YTHDC1: variants seen among roughly 807,000 people sequenced by gnomAD.
The protein encoded by YTHDC1 is YTH N6-methyladenosine RNA binding protein C1.
Under a neutral mutation model 107.0 loss-of-function variants are expected in YTHDC1, and 12 were observed. The observed-to-expected ratio is 0.11, with a 90% CI of 0.07 to 0.18. The LOEUF (loss-of-function observed/expected upper bound fraction) is 0.18. Ranked by LOEUF, YTHDC1 falls within the 10% of genes least tolerant of loss-of-function variation. The pLI, the probability that YTHDC1 is intolerant of heterozygous loss-of-function variation, is 1.00. For missense variants in YTHDC1, 635 were observed against 898.8 expected (o/e 0.71, Z 3.75); for synonymous variants, 280 against 289.5 (o/e 0.97, Z 0.33).
rs201064149 is a variant in YTHDC1 at position 68,330,326 on chromosome 4, A to G, written c.1123-16T>C. 7 of 1,457,230 alleles carry G rather than the reference A, an allele frequency of 4.8e-6. No individual in the cohort carries two copies. The highest frequency in any genetic ancestry group is 2.3e-5 in the Admixed American group (1 of 43,666). The allele number at this position is 1,457,230 out of a possible 1,614,324, so 90.3% of individuals were successfully genotyped here. ...ACCATACACCCTACATAAATAACAT[A>G]AAGACCACAAAGTGAAATTAACTAC... On this transcript the variant is annotated splice_polypyrimidine_tract_variant and intron_variant, in intron 7 of 16. Transcript: ENST00000344157.
At chr4:68,328,901 G>A (rs1434665168) in intron 9 of YTHDC1, among the ~76,000 whole-genome samples, 2 of 152,158 alleles carry the variant, frequency 1.3e-5, no homozygotes, top group Non-Finnish European at 2.9e-5. Flanking sequence ...AATAGTGTAG[G>A]TAAATGTAAC....
At position 68,336,957 on chromosome 4, in the gene YTHDC1, T is replaced by C. The variant is rs1207740421; in HGVS notation, c.883+70A>G. 3 of 1,510,216 alleles carry C rather than the reference T, an allele frequency of 2.0e-6. No individual in the cohort carries two copies. In the East Asian group the frequency reaches 6.8e-5, roughly 34 times the overall value. 93.6% of individuals were successfully genotyped at this position (1,510,216 alleles called of 1,614,324 possible). ...CCCATCTCCTCAACAATTTTATAAT[T>C]TAAACATTTTCAAGACTGAAACCTA... On this transcript the variant is annotated intron_variant, in intron 4 of 16. Coordinates refer to ENST00000344157, the MANE Select transcript of YTHDC1 (RefSeq NM_001031732.4).
rs1190490402 is a variant in YTHDC1 at position 68,349,793 on chromosome 4, G to A, written c.-40C>T. ...TTCCGCCGCTGCCACCGCCGCCGCC[G>A]CTTAGACGCGACTCGCGCGGGCGCC... On this transcript the variant is annotated 5_prime_UTR_variant, in exon 1 of 17. Coordinates refer to ENST00000344157, the MANE Select transcript of YTHDC1 (RefSeq NM_001031732.4). 2 of 1,611,926 alleles carry A rather than the reference G, an allele frequency of 1.2e-6. No individual in the cohort carries two copies. The highest frequency in any genetic ancestry group is 1.1e-5 in the South Asian group (1 of 91,046).
Position 68,318,374 on chromosome 4 carries a change from C to G in YTHDC1, c.1824+145G>C, listed in dbSNP as rs571529501. On this transcript the variant is annotated intron_variant, in intron 15 of 16. Transcript: ENST00000344157. ...CTAGCCGCCTCAGCCTCCCAAAGTG[C>G]TGGGACTGCAGGTGTGAGCCACGGC... 4.6e-5 allele frequency: 34 copies of G among 736,912 alleles called. No homozygotes were observed. The African/African-American group carries it at 5.9e-4, about 13-fold the overall frequency. 45.6% of individuals were successfully genotyped at this position (736,912 alleles called of 1,614,324 possible).
intron 4 of YTHDC1, 120 bp downstream of exon 4, chr4:68,336,907 T>C (rs1724227444): frequency 7.5e-7 from 1 of 1,325,228 alleles, no homozygotes; most frequent in Non-Finnish European, 1.0e-6. Context: ...ATATAAAGGA[T>C]CACAAGACAA....
chr4:68,340,941 T>C (rs897044506), intron 1 of YTHDC1, among the ~76,000 whole-genome samples: 1 of 152,118 alleles, frequency 6.6e-6, no homozygotes, highest in Non-Finnish European at 1.5e-5. Context: ...GTTTTAAAGT[T>C]TTAACGAATT....
chr4:68,325,698 T>TA (rs1722921393), intron 9 of YTHDC1, among the ~76,000 whole-genome samples: 1 of 152,186 alleles, frequency 6.6e-6, no homozygotes, highest in Non-Finnish European at 1.5e-5. Flanking sequence ...GCTCAGATCT[T>TA]ATATAACTTG....
At position 68,320,096 on chromosome 4, in the gene YTHDC1, A is replaced by G. The variant is rs755304960; in HGVS notation, c.1684+27T>C. On this transcript the variant is annotated intron_variant, in intron 12 of 16. Coordinates refer to ENST00000344157, the MANE Select transcript of YTHDC1 (RefSeq NM_001031732.4). ...TTTTTTTCCAATAATTTGAAATCAA[A>G]TATCTGCAGGATTATAAAATATTAA... is the stretch of plus-strand genomic sequence containing the variant. 2.0e-5 allele frequency: 31 copies of G among 1,534,484 alleles called. No homozygotes were observed. The African/African-American group carries it at 2.8e-4, about 14-fold the overall frequency.
At chr4:68,331,908 TAA>T (rs202087978) in intron 7 of YTHDC1, among the ~76,000 whole-genome samples, 193 bp downstream of exon 7, 7 of 142,780 alleles carry the variant, frequency 4.9e-5, no homozygotes, top group Non-Finnish European at 4.6e-5. Flanking sequence ...AAAATCATCT[TAA>T]AAAAAAAAAA....
intron 4 of YTHDC1, among the ~76,000 whole-genome samples, chr4:68,336,493 T>A (rs1263838734): frequency 2.6e-5 from 4 of 152,200 alleles, no homozygotes; most frequent in African/African-American, 9.7e-5. Context: ...ATCTCCATCT[T>A]ATACCTTACA....
At position 68,311,785 on chromosome 4, in the gene YTHDC1, T is replaced by C. The variant is rs562575127; in HGVS notation, c.*2314A>G. 5.9e-5 allele frequency: 9 copies of C among 152,338 alleles called. No individual in the cohort carries two copies. The highest frequency in any genetic ancestry group is 1.0e-4 in the Non-Finnish European group (7 of 68,030). 9.4% of individuals were successfully genotyped at this position (152,338 alleles called of 1,614,324 possible). On this transcript the variant is annotated 3_prime_UTR_variant, in exon 17 of 17. Coordinates refer to ENST00000344157, the MANE Select transcript of YTHDC1 (RefSeq NM_001031732.4). ...AATACTAAGCTCAACATACAAAGCA[T>C]AACTTAACATCTAATTGGATGGCAC...
intron 1 of YTHDC1, among the ~76,000 whole-genome samples, chr4:68,342,864 T>C (rs1381283673): frequency 6.6e-6 from 1 of 150,988 alleles, no homozygotes; most frequent in Non-Finnish European, 1.5e-5. Flanking sequence ...CTCTTTTAGA[T>C]ATAAAGTAAT....
chr4:68,327,000 G>GCTGAGGCGGGCGGATCAC (rs1386783656), intron 9 of YTHDC1, among the ~76,000 whole-genome samples: 5 of 151,070 alleles, frequency 3.3e-5, no homozygotes, highest in African/African-American at 1.2e-4. Context: ...ACTTTGGGAG[G>GCTGAGGCGGGCGGATCAC]CTGAGGCGGG....
At chr4:68,341,826 C>A (rs1724834218) in intron 1 of YTHDC1, among the ~76,000 whole-genome samples, 1 of 152,108 alleles carries the variant, frequency 6.6e-6, no homozygotes, top group Non-Finnish European at 1.5e-5. Context: ...AATTCCCAGT[C>A]TTTCTGAGTT....
rs952483190 is a variant in YTHDC1 at position 68,333,505 on chromosome 4, A to C, written c.884-108T>G. On this transcript the variant is annotated intron_variant, in intron 4 of 16. Transcript: ENST00000344157. The stretch of plus-strand genomic sequence containing the variant: ...CTAGTTTTTGCATAGCCCTTCTATT[A>C]GTCTGTGCTCCTCTCTCCTGATCCC... The C allele has an allele frequency of 2.5e-5, 18 of 719,522 alleles. No individual in the cohort carries two copies. In the African/African-American group the frequency reaches 3.1e-4, roughly 12 times the overall value. 44.6% of individuals were successfully genotyped at this position (719,522 alleles called of 1,614,324 possible). A position where few individuals can be genotyped will look rare whatever the true frequency, so the allele number is the denominator to read the frequency against.
At chr4:68,320,249 G>A in intron 11 of YTHDC1, 44 bp from the exon 12 acceptor site, 1 of 1,419,448 alleles carries the variant, frequency 7.0e-7, no homozygotes, top group Non-Finnish European at 9.7e-7. Context: ...AAAACTGCTG[G>A]GAGAACAAAG....
intron 1 of YTHDC1, among the ~76,000 whole-genome samples, chr4:68,345,088 G>T (rs1165118779): frequency 6.6e-6 from 1 of 152,168 alleles, no homozygotes; most frequent in Non-Finnish European, 1.5e-5. Flanking sequence ...CTGACAAGAT[G>T]TTAGAAATAA....
intron 3 of YTHDC1, 50 bp downstream of exon 3, chr4:68,337,522 G>A (rs1310961689): frequency 6.3e-7 from 1 of 1,585,648 alleles, no homozygotes; most frequent in Non-Finnish European, 8.5e-7. Flanking sequence ...CAGTTCTAAA[G>A]CCTCAAAAAG....
chr4:68,339,894 C>A (rs1724627247), intron 1 of YTHDC1, among the ~76,000 whole-genome samples: 1 of 152,178 alleles, frequency 6.6e-6, no homozygotes, highest in Non-Finnish European at 1.5e-5. Flanking sequence ...GTCCCCACTT[C>A]TACCTTGTCC....
Sources: allele counts gnomAD v4.1 joint callset (sites outside exome capture counted in the v4.1 genomes callset), GRCh38; gene constraint gnomAD v4.1.1; transcripts MANE v1.5; gene names NCBI Gene and HGNC (gene_info 2026-07-23, HGNC 2026-07-21).